The following TEX36 variants were observed in gnomAD, a reference collection of about 807,000 sequenced individuals.
The protein encoded by TEX36 is testis-expressed protein 36.
A neutral mutation model predicts 13.6 loss-of-function variants in TEX36; 12 were observed. The observed-to-expected ratio is 0.88, with a 90% CI of 0.56 to 1.43. The LOEUF (loss-of-function observed/expected upper bound fraction) is 1.43, where lower values mean the gene tolerates loss of function less well. TEX36 is among the 40% of genes most tolerant of loss of function. The pLI is 0.00. For missense variants in TEX36, 224 were observed against 228.3 expected, an observed-to-expected ratio of 0.98 and a Z score of 0.12; for synonymous variants, 93 against 83.0, an observed-to-expected ratio of 1.12 and a Z score of -0.65.
At chr10:125,606,447 T>C (rs1846217033) in intron 3 of TEX36, among the ~76,000 whole-genome samples, 1 of 152,252 alleles carries the variant, frequency 6.6e-6, no homozygotes, top group Non-Finnish European at 1.5e-5. Flanking sequence ...GAATTTATGT[T>C]ATTCCGTCAA....
intron 3 of TEX36, among the ~76,000 whole-genome samples, chr10:125,622,360 T>A (rs2133560790): frequency 6.6e-6 from 1 of 152,352 alleles, no homozygotes; most frequent in South Asian, 2.1e-4. Flanking sequence ...AGTACAGGTG[T>A]ATACATGCAC....
intron 3 of TEX36, among the ~76,000 whole-genome samples, chr10:125,630,409 C>T (rs567755880): frequency 6.6e-6 from 1 of 152,196 alleles, no homozygotes; most frequent in East Asian, 1.9e-4. Context: ...TTTCTCAGTG[C>T]GTGTGGGCTG....
chr10:125,577,312 C>T (rs1161146192), intron 3 of TEX36, among the ~76,000 whole-genome samples: 2 of 152,166 alleles, frequency 1.3e-5, no homozygotes, highest in African/African-American at 4.8e-5. Context: ...GCCTGGGAAA[C>T]ATGGCGAAAC....
intron 3 of TEX36, among the ~76,000 whole-genome samples, chr10:125,595,277 A>G (rs769681318): frequency 7.9e-5 from 12 of 151,990 alleles, no homozygotes; most frequent in Non-Finnish European, 1.3e-4. Context: ...TCCCTCCCTC[A>G]TAAAAATCAC....
intron 3 of TEX36, among the ~76,000 whole-genome samples, chr10:125,586,802 GA>G (rs150412556): frequency 0.011 from 1,577 of 147,958 alleles, 33 homozygotes; most frequent in African/African-American, 0.037. Context: ...AAAAAAAGAA[GA>G]AAAAAAAAAG....
intron 3 of TEX36, among the ~76,000 whole-genome samples, chr10:125,648,622 G>A (rs1014110611): frequency 3.9e-5 from 6 of 152,122 alleles, no homozygotes; most frequent in East Asian, 1.9e-4. Flanking sequence ...GCAGCTCCTC[G>A]GCAGCAATGG....
chr10:125,579,409 G>A (rs1845860053), intron 3 of TEX36, among the ~76,000 whole-genome samples: 1 of 152,116 alleles, frequency 6.6e-6, no homozygotes, highest in South Asian at 2.1e-4. Context: ...GAACAGCATG[G>A]GGGAACTGCC....
At chr10:125,590,638 T>G (rs1042363676) in intron 3 of TEX36, among the ~76,000 whole-genome samples, 2 of 152,182 alleles carry the variant, frequency 1.3e-5, no homozygotes, top group Non-Finnish European at 2.9e-5. Context: ...ATGTCAATAA[T>G]GTACTGACTT....
chr10:125,601,340 C>G (rs983169493), intron 3 of TEX36, among the ~76,000 whole-genome samples: 1 of 152,236 alleles, frequency 6.6e-6, no homozygotes, highest in African/African-American at 2.4e-5. Flanking sequence ...AGAGGCATAG[C>G]CAGGAAGTGG....
intron 3 of TEX36, among the ~76,000 whole-genome samples, chr10:125,601,926 C>T (rs113437515): frequency 6.6e-4 from 101 of 152,300 alleles, no homozygotes; most frequent in Middle Eastern, 6.8e-3. Flanking sequence ...CACCTGCATG[C>T]GGGGTGTCTT....
At chr10:125,599,358 C>T (rs1412554136) in intron 3 of TEX36, among the ~76,000 whole-genome samples, 1 of 152,218 alleles carries the variant, frequency 6.6e-6, no homozygotes, top group African/African-American at 2.4e-5. Flanking sequence ...GGCCACCACA[C>T]CTGCCCTGGG....
chr10:125,682,152 A>G (rs534440339), intron 1 of TEX36, among the ~76,000 whole-genome samples: 23 of 152,016 alleles, frequency 1.5e-4, no homozygotes, highest in African/African-American at 5.6e-4. Context: ...CAGAAATGGG[A>G]AAGGCTTGAG....
intron 3 of TEX36, among the ~76,000 whole-genome samples, chr10:125,649,993 A>C (rs755006208): frequency 3.9e-5 from 6 of 152,220 alleles, no homozygotes; most frequent in Non-Finnish European, 8.8e-5. Context: ...CCAGATTCAC[A>C]AAGCAAGTCC....
At chr10:125,646,572 A>G (rs1403369707) in intron 3 of TEX36, among the ~76,000 whole-genome samples, 1 of 152,212 alleles carries the variant, frequency 6.6e-6, no homozygotes, top group Non-Finnish European at 1.5e-5. Flanking sequence ...ACATGAAAGC[A>G]TACATTAACG....
chr10:125,635,289 A>C (rs187019308), intron 3 of TEX36, among the ~76,000 whole-genome samples: 7 of 152,342 alleles, frequency 4.6e-5, no homozygotes, highest in Admixed American at 1.3e-4. Context: ...CTTACCCTGC[A>C]TCTAGCACTT....
At chr10:125,654,856 A>G (rs1846914784), downstream of TEX36, among the ~76,000 whole-genome samples, 1 of 152,186 alleles carries the variant, frequency 6.6e-6, no homozygotes, top group South Asian at 2.1e-4. Flanking sequence ...AAGCCAATGC[A>G]TTATTTCTCA....
chr10:125,627,961 G>A (rs1846507168), intron 3 of TEX36, among the ~76,000 whole-genome samples: 1 of 152,178 alleles, frequency 6.6e-6, no homozygotes, highest in Admixed American at 6.5e-5. Flanking sequence ...GACTTGTCCA[G>A]GCTAACTGAA....
At chr10:125,616,294 C>T (rs1283906300) in intron 3 of TEX36, among the ~76,000 whole-genome samples, 72 of 151,340 alleles carry the variant, frequency 4.8e-4, no homozygotes, top group Non-Finnish European at 4.9e-4. Context: ...TTCAGTTCTG[C>T]TCTGATTTTA....
At chr10:125,664,038 A>C (rs534974069) in intron 1 of TEX36, among the ~76,000 whole-genome samples, 159 of 152,188 alleles carry the variant, frequency 1.0e-3, no homozygotes, top group Non-Finnish European at 2.0e-3. Context: ...TCTACTCTCT[A>C]TGAGTTCAAC....
Sources: gnomAD v4.1 joint callset for allele counts (sites outside exome capture counted in the v4.1 genomes callset) on GRCh38, gnomAD v4.1.1 for gene constraint, MANE v1.5 for transcripts, NCBI Gene and HGNC (gene_info 2026-07-23, HGNC 2026-07-21) for gene names.